MROH2B: variants seen among roughly 807,000 people sequenced by gnomAD.
MROH2B encodes maestro heat like repeat family member 2B.
In MROH2B, 177 loss-of-function variants were observed where a neutral mutation model predicts 208.6. The observed-to-expected ratio is 0.85, with a 90% confidence interval of 0.75 to 0.96. The LOEUF (loss-of-function observed/expected upper bound fraction) is 0.96. Among genes scored for constraint, MROH2B ranks in the 40% least tolerant of loss-of-function variants. The probability of loss-of-function intolerance (pLI) is 0.00; values close to 1 mark genes in which losing one functional copy is unlikely to be tolerated. For synonymous variants in MROH2B, 728 were observed against 659.0 expected, an observed-to-expected ratio of 1.10 and a Z score of -1.60; for missense variants, 2,002 against 1,878.7, an observed-to-expected ratio of 1.07 and a Z score of -1.21.
At chr5:41,018,296 C>A in intron 27 of MROH2B, 45 bp downstream of exon 27, 1 of 1,549,108 alleles carries the variant, frequency 6.5e-7, no homozygotes, top group Non-Finnish European at 8.8e-7. Flanking sequence ...GAGATCCCTG[C>A]TGTTCACAAG....
At chr5:41,025,469 C>T (rs557724264) in intron 24 of MROH2B, among the ~76,000 whole-genome samples, 2 of 152,198 alleles carry the variant, frequency 1.3e-5, no homozygotes, top group African/African-American at 4.8e-5. Flanking sequence ...CACACAACCT[C>T]CCAAGACAAA....
chr5:41,036,661 C>A (rs1742769805), intron 21 of MROH2B, among the ~76,000 whole-genome samples: 1 of 152,068 alleles, frequency 6.6e-6, no homozygotes, highest in Non-Finnish European at 1.5e-5. Context: ...ATCATGGGAA[C>A]AAGACACTGT....
chr5:41,021,912 T>C (rs911910051), intron 24 of MROH2B, among the ~76,000 whole-genome samples: 2 of 151,902 alleles, frequency 1.3e-5, no homozygotes, highest in Admixed American at 6.6e-5. Flanking sequence ...TATAAGCCCA[T>C]GGAATAGAAT....
Position 41,010,818 on chromosome 5 carries a change from G to T in MROH2B, c.3136-739C>A, listed in dbSNP as rs575305915. 2.0e-5 allele frequency among the ~76,000 whole-genome samples: 3 copies of T among 152,254 alleles called. No individual in the cohort carries two copies. The South Asian group carries it at 6.2e-4, about 32-fold the overall frequency. ...ATGTGTCAATGTAGGTTTACTGATCGTAACAAATCTACTCTGGTGGGAGAT... is the reference window on the plus strand; with the variant it reads ...ATGTGTCAATGTAGGTTTACTGATCTTAACAAATCTACTCTGGTGGGAGAT... On this transcript the variant is annotated intron_variant, in intron 30 of 41. Coordinates refer to ENST00000399564, the MANE Select transcript of MROH2B (RefSeq NM_173489.5).
rs374499996 is a variant in MROH2B at position 41,017,959 on chromosome 5, G to A, written c.2775C>T (p.Asn925=). Residue 925 remains asparagine (N), a synonymous_variant, in exon 28 of 42, where the codon AAC becomes AAT. Coordinates refer to ENST00000399564, the MANE Select transcript of MROH2B (RefSeq NM_173489.5). ...VLTNDIEAPE[N]FKIGSLLGLL... is the part of the protein sequence containing the mutation. ...GTCCAAGCAGTGAACCAATTTTAAA[G>A]TTCTCTGGTGCCTGCAGGATAAAGG... 2 of 1,574,278 alleles carry A rather than the reference G, an allele frequency of 1.3e-6. No individual in the cohort carries two copies. Among genetic ancestry groups the A allele is most frequent in the South Asian group, 2.3e-5 (2 of 85,750 alleles).
intron 32 of MROH2B, 149 bp downstream of exon 32, chr5:41,009,131 G>T: frequency 8.9e-7 from 1 of 1,124,188 alleles, no homozygotes; most frequent in Non-Finnish European, 1.2e-6. Context: ...ACAGACAAAA[G>T]TAGAGCCACA....
rs144345091 is a variant in MROH2B, at chr5:41,058,301, C to T, written c.616-98G>A. On this transcript the variant is annotated intron_variant, in intron 6 of 41. Transcript: ENST00000399564. ...GCTTTAGGTACTCCTGAAAACTTTC[C>T]TCACTGCTTTCAGCCAAGAAATAAT... The T allele has an allele frequency of 7.5e-4, 904 of 1,204,782 alleles. 6 individuals are homozygous for T. In the African/African-American group the frequency reaches 0.01, roughly 14 times the overall value. The allele number at this position is 1,204,782 out of a possible 1,614,324, so 74.6% of individuals were successfully genotyped here. A position where few individuals can be genotyped will look rare whatever the true frequency, so the allele number is the denominator to read the frequency against.
At chr5:41,004,667 T>C (rs1446288019) in intron 36 of MROH2B, 107 bp downstream of exon 36, 19 of 1,529,494 alleles carry the variant, frequency 1.2e-5, no homozygotes, top group Admixed American at 6.2e-5. Flanking sequence ...TTCAGCAATG[T>C]ATCTGGATTT....
intron 41 of MROH2B, 64 bp downstream of exon 41, chr5:40,998,548 G>T: frequency 7.5e-7 from 1 of 1,336,134 alleles, no homozygotes; most frequent in Non-Finnish European, 1.0e-6. Flanking sequence ...ACTTAGAACA[G>T]CAATATTTTC....
intron 24 of MROH2B, among the ~76,000 whole-genome samples, chr5:41,019,931 T>A (rs1742088429): frequency 6.6e-6 from 1 of 152,224 alleles, no homozygotes; most frequent in South Asian, 2.1e-4. Flanking sequence ...ATATAACCAA[T>A]ATGGAATCTT....
chr5:41,050,973 T>C lies in MROH2B; in HGVS notation c.1344+4A>G. 1 of 1,562,958 alleles carries C rather than the reference T, an allele frequency of 6.4e-7. No individual in the cohort carries two copies. Among genetic ancestry groups the C allele is most frequent in the East Asian group, 2.4e-5 (1 of 41,290 alleles). ...ACTGTAAGTGGTGACAAAAGACCAC[T>C]TACCTGAGGCATTCCAATGACCAGT... On this transcript the variant is annotated splice_donor_region_variant and intron_variant, in intron 13 of 41. Transcript: ENST00000399564.
intron 38 of MROH2B, 30 bp from the exon 39 acceptor site, chr5:41,000,381 C>G (rs770377052): frequency 6.2e-7 from 1 of 1,609,074 alleles, no homozygotes; most frequent in South Asian, 1.1e-5. Flanking sequence ...GCATCACAGT[C>G]CAGAACGTTA....
chr5:41,048,674 G>GA (rs1452364889), intron 15 of MROH2B, among the ~76,000 whole-genome samples: 1 of 151,984 alleles, frequency 6.6e-6, no homozygotes, highest in South Asian at 2.1e-4. Context: ...GGATAAAGGT[G>GA]AAAAAAATAC....
At chr5:41,027,730 C>T (rs1220863853) in intron 24 of MROH2B, among the ~76,000 whole-genome samples, 1 of 152,192 alleles carries the variant, frequency 6.6e-6, no homozygotes, top group Non-Finnish European at 1.5e-5. Flanking sequence ...TATAAAGACA[C>T]ATGCAGACGT....
At chr5:41,009,588 G>A (rs1741709615) in intron 31 of MROH2B, among the ~76,000 whole-genome samples, 182 bp from the exon 32 acceptor site, 1 of 152,162 alleles carries the variant, frequency 6.6e-6, no homozygotes, top group Admixed American at 6.5e-5. Context: ...CTAGCCTTGG[G>A]TTACAGAACT....
intron 34 of MROH2B, 104 bp downstream of exon 34, chr5:41,007,210 A>G: frequency 1.7e-6 from 2 of 1,151,752 alleles, no homozygotes; most frequent in Non-Finnish European, 2.3e-6. Flanking sequence ...ATTAGTCCTA[A>G]GTGAATCAAT....
At position 41,071,077 on chromosome 5, in the gene MROH2B, C is replaced by T. The variant is rs72751686; in HGVS notation, c.-225G>A. Reference sequence around the variant, plus strand: ...ATTCTACCACTATGACATTGTCTTGCGTCTGAACTCCTGCTAACCAACAAA... The same window carrying T: ...ATTCTACCACTATGACATTGTCTTGTGTCTGAACTCCTGCTAACCAACAAA... On this transcript the variant is annotated 5_prime_UTR_variant, in exon 1 of 42. Transcript: ENST00000399564. 0.21 allele frequency: 105,442 copies of T among 492,056 alleles called. 12,458 individuals carry two copies. The highest frequency in any genetic ancestry group is 0.31 in the South Asian group (9,609 of 30,678). 30.5% of individuals were successfully genotyped at this position (492,056 alleles called of 1,614,324 possible).
intron 17 of MROH2B, 131 bp downstream of exon 17, chr5:41,047,590 C>A: frequency 1.2e-6 from 1 of 816,552 alleles, no homozygotes; most frequent in Non-Finnish European, 2.0e-6. Flanking sequence ...TTCTAACATT[C>A]TAATTCTTTT....
intron 19 of MROH2B, among the ~76,000 whole-genome samples, chr5:41,039,899 A>C (rs982432590): frequency 6.6e-5 from 10 of 152,338 alleles, no homozygotes; most frequent in African/African-American, 2.2e-4. Context: ...TCTCACGGAC[A>C]AGGTGACAAT....
Sources: allele counts gnomAD v4.1 joint callset (sites outside exome capture counted in the v4.1 genomes callset), GRCh38; gene constraint gnomAD v4.1.1; transcripts MANE v1.5; gene names NCBI Gene and HGNC (gene_info 2026-07-23, HGNC 2026-07-21).